The following PPP1R42 variants were observed in gnomAD, a reference collection of about 807,000 sequenced individuals.
PPP1R42 encodes leucine rich repeat containing 67.
PPP1R42 carries 34 observed loss-of-function variants against 31.0 expected under a neutral mutation model. That is an observed-to-expected ratio of 1.10 (90% CI 0.83 to 1.46). The LOEUF is 1.46. PPP1R42 is among the 40% of genes most tolerant of loss of function. The pLI, the probability that PPP1R42 is intolerant of heterozygous loss-of-function variation, is 0.00. For synonymous variants in PPP1R42, 103 were observed against 109.8 expected (o/e 0.94, Z 0.39); for missense variants, 268 against 303.0 (o/e 0.88, Z 0.86).
rs746956723 is a variant in PPP1R42, at chr8:67,012,995, T to G, written c.398A>C (p.Lys133Thr). ...AAGAGTTCTTGGATCAAACAGAAGC[T>G]TTTCCCCAAGGGGAAGCCTCTGATT... is the stretch of plus-strand genomic sequence containing the variant. ...VENQRLPLGE[K>T]LLFDPRTLHS... Residue 133 changes from lysine to threonine, a missense_variant, in exon 4 of 8, where the codon AAG becomes ACG. Coordinates refer to ENST00000685739, the MANE Select transcript of PPP1R42 (RefSeq NM_001364910.1). The G allele has an allele frequency of 6.2e-7, 1 of 1,611,506 alleles. No homozygotes were observed. Among genetic ancestry groups the G allele is most frequent in the Non-Finnish European group, 8.5e-7 (1 of 1,179,154 alleles).
chr8:67,012,926 T>C, intron 4 of PPP1R42, 32 bp downstream of exon 4: 1 of 1,578,890 alleles, frequency 6.3e-7, no homozygotes, highest in Non-Finnish European at 8.6e-7. Flanking sequence ...AATCACTATA[T>C]TCCTTGTCAA....
chr8:66,986,133 G>T, intron 6 of PPP1R42: 1 of 670,062 alleles, frequency 1.5e-6, no homozygotes, highest in South Asian at 1.5e-5. Context: ...ATGCTGCTGT[G>T]ACCACTGTAG....
intron 1 of PPP1R42, among the ~76,000 whole-genome samples, chr8:67,028,264 C>T (rs959062428): frequency 6.6e-6 from 1 of 152,226 alleles, no homozygotes; most frequent in Non-Finnish European, 1.5e-5. Context: ...CACCCCTCCA[C>T]CTGTGTCTCC....
chr8:66,984,150 C>A (rs1814930698), intron 6 of PPP1R42: 14 of 1,592,404 alleles, frequency 8.8e-6, no homozygotes, highest in Non-Finnish European at 1.2e-5. Flanking sequence ...GTGGACTCTA[C>A]ACAGATTCAC....
chr8:67,010,234 T>G (rs1285517215), intron 5 of PPP1R42, among the ~76,000 whole-genome samples: 1 of 152,204 alleles, frequency 6.6e-6, no homozygotes, highest in African/African-American at 2.4e-5. Flanking sequence ...AATGAATAAT[T>G]GAATGAATAT....
intron 7 of PPP1R42, among the ~76,000 whole-genome samples, chr8:66,979,228 T>A (rs76160261): frequency 0.12 from 18,718 of 152,160 alleles, 2,257 homozygotes; most frequent in African/African-American, 0.31. Flanking sequence ...TGATTTTTGC[T>A]TAGGGTGATA....
Position 67,028,547 on chromosome 8 carries a change from G to T in PPP1R42, c.-141C>A. ...GTTTGGTCGGTTTCATCGGCGCCGG[G>T]TCCCTACGCAGACCAGCGGCGGTTG... On this transcript the variant is annotated 5_prime_UTR_variant, in exon 1 of 8. Coordinates refer to ENST00000685739, the MANE Select transcript of PPP1R42 (RefSeq NM_001364910.1). 1.0e-6 allele frequency: 1 copy of T among 985,534 alleles called. No homozygotes were observed. The highest frequency in any genetic ancestry group is 1.2e-6 in the Non-Finnish European group (1 of 829,976). The allele number at this position is 985,534 out of a possible 1,614,324, so 61.0% of individuals were successfully genotyped here. A position where few individuals can be genotyped will look rare whatever the true frequency, so the allele number is the denominator to read the frequency against.
intron 5 of PPP1R42, among the ~76,000 whole-genome samples, chr8:66,995,787 C>T (rs1260665593): frequency 1.3e-5 from 2 of 152,176 alleles, no homozygotes; most frequent in African/African-American, 2.4e-5. Context: ...GGGTTTATAA[C>T]AAAACTTAAA....
chr8:67,012,805 G>T, intron 4 of PPP1R42, 153 bp downstream of exon 4: 1 of 577,374 alleles, frequency 1.7e-6, no homozygotes. Context: ...TTGTACATGA[G>T]AAAATCAGCT....
In PPP1R42 at chr8:66,964,115, C is replaced by A; in HGVS notation, c.*206G>T. 2.8e-6 allele frequency: 1 copy of A among 361,500 alleles called. No homozygotes were observed. Among genetic ancestry groups the A allele is most frequent in the South Asian group, 2.1e-5 (1 of 47,844 alleles). The allele number at this position is 361,500 out of a possible 1,614,324, so 22.4% of individuals were successfully genotyped here. The stretch of plus-strand genomic sequence containing the variant: ...ATCAAACAATAACTTAAAAGTTTTT[C>A]CTTATATTATGAGATACCATAAAGC... On this transcript the variant is annotated 3_prime_UTR_variant, in exon 8 of 8. Coordinates refer to ENST00000685739, the MANE Select transcript of PPP1R42 (RefSeq NM_001364910.1).
chr8:66,997,003 A>C (rs1170768116), intron 5 of PPP1R42, among the ~76,000 whole-genome samples: 2 of 152,172 alleles, frequency 1.3e-5, no homozygotes, highest in African/African-American at 4.8e-5. Flanking sequence ...AATATAAAAA[A>C]TTGGCTGGGT....
intron 7 of PPP1R42, among the ~76,000 whole-genome samples, chr8:66,972,720 A>T (rs1195421856): frequency 6.6e-6 from 1 of 152,134 alleles, no homozygotes; most frequent in African/African-American, 2.4e-5. Flanking sequence ...TAAATTATGT[A>T]ATCTATTTGA....
In PPP1R42 at chr8:67,019,165, T is replaced by G. The variant is rs886586445; in HGVS notation, c.-84-1334A>C. 2.4e-4 allele frequency among the ~76,000 whole-genome samples: 35 copies of G among 146,888 alleles called. No individual in the cohort carries two copies. The East Asian group carries it at 6.2e-3, about 26-fold the overall frequency. ...CACTGCAATCTTTGAACTCCTGGGC[T>G]CAAGTGCTCCTCCTGCCTATGCCTC... On this transcript the variant is annotated intron_variant, in intron 1 of 7. Coordinates refer to ENST00000685739, the MANE Select transcript of PPP1R42 (RefSeq NM_001364910.1).
chr8:66,994,979 T>C (rs1385138185), intron 5 of PPP1R42, among the ~76,000 whole-genome samples: 1 of 152,126 alleles, frequency 6.6e-6, no homozygotes, highest in Non-Finnish European at 1.5e-5. Context: ...GTAATTACAG[T>C]GGTTTTGTTA....
chr8:66,988,137 A>C, intron 6 of PPP1R42: 1 of 1,076,348 alleles, frequency 9.3e-7, no homozygotes, highest in Non-Finnish European at 1.1e-6. Context: ...CACATTTATG[A>C]CTAACCATTT....
In PPP1R42 at chr8:66,971,295, A is replaced by C. The variant is rs146895336; in HGVS notation, c.803-6961T>G. 1.8e-3 allele frequency among the ~76,000 whole-genome samples: 274 copies of C among 152,370 alleles called. 3 individuals carry two copies. In the East Asian group the frequency reaches 0.036, roughly 20 times the overall value. ...AAAATTAATAACCCGAGGAAAAAATAGCACAGACTTTCATATACAAAAACC... is the reference window on the plus strand; with the variant it reads ...AAAATTAATAACCCGAGGAAAAAATCGCACAGACTTTCATATACAAAAACC... On this transcript the variant is annotated intron_variant, in intron 7 of 7. Coordinates refer to ENST00000685739, the MANE Select transcript of PPP1R42 (RefSeq NM_001364910.1).
intron 7 of PPP1R42, among the ~76,000 whole-genome samples, chr8:66,973,406 C>T (rs1385798699): frequency 6.6e-6 from 1 of 151,964 alleles, no homozygotes; most frequent in Non-Finnish European, 1.5e-5. Flanking sequence ...CAGGTTCAAG[C>T]AGTTCTCTTG....
At chr8:66,988,916 T>TA (rs1815107536) in intron 5 of PPP1R42, among the ~76,000 whole-genome samples, 1 of 152,070 alleles carries the variant, frequency 6.6e-6, no homozygotes, top group African/African-American at 2.4e-5. Context: ...GTGTTGTTGC[T>TA]TTTTATTTTA....
chr8:66,974,508 C>T (rs890595903), intron 7 of PPP1R42, among the ~76,000 whole-genome samples: 7 of 151,962 alleles, frequency 4.6e-5, no homozygotes, highest in African/African-American at 1.2e-4. Context: ...GAGCTGAGAG[C>T]ACGCCATTGC....
Sources: allele counts gnomAD v4.1 joint callset (sites outside exome capture counted in the v4.1 genomes callset), GRCh38; gene constraint gnomAD v4.1.1; transcripts MANE v1.5; gene names NCBI Gene and HGNC (gene_info 2026-07-23, HGNC 2026-07-21).